Variants in PCDH15 observed in about 807,000 individuals in gnomAD.
PCDH15 encodes protocadherin-15.
In PCDH15, 129 loss-of-function variants were observed where a neutral mutation model predicts 178.5. That is an observed-to-expected ratio of 0.72 (90% CI 0.63 to 0.84). The LOEUF (loss-of-function observed/expected upper bound fraction) is 0.84, where lower values mean the gene tolerates loss of function less well. PCDH15 is among the 40% of genes least tolerant of loss of function. The pLI, the probability that PCDH15 is intolerant of heterozygous loss-of-function variation, is 0.00. For synonymous variants in PCDH15, 800 were observed against 732.0 expected, an observed-to-expected ratio of 1.09 and a Z score of -1.50; for missense variants, 2,230 against 2,099.9, an observed-to-expected ratio of 1.06 and a Z score of -1.21.
At chr10:55,400,122 T>C (rs1423670199) in intron 2 of PCDH15, among the ~76,000 whole-genome samples, 1 of 152,156 alleles carries the variant, frequency 6.6e-6, no homozygotes, top group African/African-American at 2.4e-5. Context: ...TCATCCTGTT[T>C]TCAGACACAT....
At chr10:54,607,703 A>G (rs965656918) in intron 2 of PCDH15, among the ~76,000 whole-genome samples, 2 of 151,948 alleles carry the variant, frequency 1.3e-5, no homozygotes, top group African/African-American at 4.8e-5. Context: ...TAAAATTTAT[A>G]TTATCTTAAT....
At chr10:54,828,120 G>T (rs1249770395) in intron 3 of PCDH15, among the ~76,000 whole-genome samples, 1 of 151,796 alleles carries the variant, frequency 6.6e-6, no homozygotes, top group East Asian at 1.9e-4. Context: ...TATCAACTAG[G>T]TTACAGGGAA....
At chr10:54,008,210 C>T (rs1349461864) in intron 20 of PCDH15, among the ~76,000 whole-genome samples, 3 of 152,074 alleles carry the variant, frequency 2.0e-5, no homozygotes, top group Non-Finnish European at 4.4e-5. Context: ...TTAAGTTTTG[C>T]TTTAAATGTA....
intron 1 of PCDH15, among the ~76,000 whole-genome samples, chr10:54,778,446 A>G (rs1399397560): frequency 1.3e-5 from 2 of 152,178 alleles, no homozygotes; most frequent in African/African-American, 4.8e-5. Context: ...ATTATCAAAC[A>G]TTGCTTTTCT....
chr10:53,927,538 G>A (rs2084670971), intron 25 of PCDH15, among the ~76,000 whole-genome samples: 1 of 152,068 alleles, frequency 6.6e-6, no homozygotes, highest in South Asian at 2.1e-4. Flanking sequence ...TAATTATAAT[G>A]TGATCTTTTA....
chr10:54,370,051 A>T (rs1024302216), intron 4 of PCDH15, among the ~76,000 whole-genome samples: 10 of 152,038 alleles, frequency 6.6e-5, no homozygotes, highest in Non-Finnish European at 1.5e-4. Context: ...CATAGTATAC[A>T]TAAGCATATG....
chr10:54,141,462 T>C (rs1015599958), intron 14 of PCDH15, among the ~76,000 whole-genome samples: 1 of 152,218 alleles, frequency 6.6e-6, no homozygotes, highest in Non-Finnish European at 1.5e-5. Flanking sequence ...GTTTAAATGA[T>C]GTTTATTTCC....
At chr10:55,240,894 CA>C (rs1359128993) in intron 1 of PCDH15, among the ~76,000 whole-genome samples, 2 of 152,122 alleles carry the variant, frequency 1.3e-5, no homozygotes, top group African/African-American at 4.8e-5. Flanking sequence ...TTATAATGCA[CA>C]TCTAGAATTG....
At chr10:54,828,410 C>G (rs1953165166) in intron 3 of PCDH15, among the ~76,000 whole-genome samples, 2 of 151,862 alleles carry the variant, frequency 1.3e-5, no homozygotes, top group East Asian at 3.9e-4. Context: ...CAATTTATGA[C>G]CTTTAGCCAT....
intron 3 of PCDH15, among the ~76,000 whole-genome samples, chr10:54,893,472 A>T (rs529282100): frequency 1.1e-4 from 16 of 152,146 alleles, no homozygotes; most frequent in African/African-American, 3.6e-4. Context: ...TATTATCTCC[A>T]TATTCTCACT....
In PCDH15 at chr10:54,066,869, AC is replaced by A. The variant is rs771169423; in HGVS notation, c.2107del (p.Val703Ter). On this transcript the variant is annotated frameshift_variant, in exon 18 of 38. Transcript: ENST00000644397. LOFTEE classifies it high-confidence loss of function. ...ATTGACATCTGTCACCACTATGTTT[AC>A]TGTGGCAGTTGAGGTCTTAAAGAAA... ...GRPDGTSTATVNIVVTDVNDN... is the reference protein window; with the variant it reads ...GRPDGTSTATXNIVVTDVNDN... 6.2e-7 allele frequency: 1 copy of A among 1,613,396 alleles called. No homozygotes were observed. The highest frequency in any genetic ancestry group is 1.3e-5 in the African/African-American group (1 of 75,038).
intron 1 of PCDH15, among the ~76,000 whole-genome samples, chr10:55,310,151 G>GT (rs540715927): frequency 6.6e-6 from 1 of 150,688 alleles, no homozygotes; most frequent in South Asian, 2.1e-4. Flanking sequence ...ACACTTATTT[G>GT]TTTTTTTATC....
In PCDH15 at chr10:54,183,658, T is replaced by C. The variant is rs1350850144; in HGVS notation, c.1441-65A>G. 4 of 1,577,694 alleles carry C rather than the reference T, an allele frequency of 2.5e-6. No homozygotes were observed. In the African/African-American group the frequency reaches 5.4e-5, roughly 21 times the overall value. On this transcript the variant is annotated intron_variant, in intron 12 of 37. Transcript: ENST00000644397. ...CAAATATAAGTAGTACAGAGTTTGC[T>C]CTTACAGTTTAACAAGTTTCTTACA...
At chr10:55,131,575 G>A (rs1321684794) in intron 2 of PCDH15, among the ~76,000 whole-genome samples, 1 of 152,128 alleles carries the variant, frequency 6.6e-6, no homozygotes, top group Non-Finnish European at 1.5e-5. Context: ...ACAGACAACT[G>A]GAGCATGAGC....
At chr10:54,960,739 C>CT (rs754583742) in intron 2 of PCDH15, among the ~76,000 whole-genome samples, 40 of 152,174 alleles carry the variant, frequency 2.6e-4, no homozygotes, top group Middle Eastern at 6.8e-3. Flanking sequence ...TGACTGAATG[C>CT]TTTTTTATAA....
intron 3 of PCDH15, among the ~76,000 whole-genome samples, chr10:54,469,350 G>A (rs1382768960): frequency 6.6e-6 from 1 of 152,180 alleles, no homozygotes; most frequent in Non-Finnish European, 1.5e-5. Flanking sequence ...GCCCGCCTCA[G>A]CCTCCCAAAG....
chr10:54,136,858 T>G (rs1009418649), intron 14 of PCDH15, among the ~76,000 whole-genome samples: 2 of 152,208 alleles, frequency 1.3e-5, no homozygotes, highest in African/African-American at 4.8e-5. Context: ...CTAGAATTGC[T>G]AATTGTGTTC....
At chr10:54,942,383 C>A (rs1838085379) in intron 2 of PCDH15, among the ~76,000 whole-genome samples, 1 of 151,890 alleles carries the variant, frequency 6.6e-6, no homozygotes, top group African/African-American at 2.4e-5. Context: ...TGGAAAATAT[C>A]CAGAGACTTT....
At chr10:54,046,075 A>C (rs1162554046) in intron 18 of PCDH15, among the ~76,000 whole-genome samples, 1 of 152,182 alleles carries the variant, frequency 6.6e-6, no homozygotes, top group Non-Finnish European at 1.5e-5. Flanking sequence ...CAAAATAGTA[A>C]GTAAATATAT....
Sources: gnomAD v4.1 joint callset for allele counts (sites outside exome capture counted in the v4.1 genomes callset) on GRCh38, gnomAD v4.1.1 for gene constraint, MANE v1.5 for transcripts, NCBI Gene and HGNC (gene_info 2026-07-23, HGNC 2026-07-21) for gene names.